Variants in WWOX observed in about 807,000 individuals in gnomAD.
WWOX encodes WW domain-containing oxidoreductase.
In WWOX, 69 loss-of-function variants were observed where a neutral mutation model predicts 46.2. The ratio of observed to expected loss-of-function variants is 1.49; its 90% CI spans 1.23 to 1.82. WWOX has a LOEUF of 1.82. WWOX is among the 40% of genes most tolerant of loss of function. The probability of loss-of-function intolerance (pLI) is 0.00; values close to 1 mark genes in which losing one functional copy is unlikely to be tolerated. For missense variants in WWOX, 919 were observed against 542.6 expected (o/e 1.69, Z -6.89); for synonymous variants, 359 against 202.6 (o/e 1.77, Z -6.56).
intron 5 of WWOX, among the ~76,000 whole-genome samples, chr16:78,217,573 T>C (rs2036762424): frequency 6.6e-6 from 1 of 152,274 alleles, no homozygotes; most frequent in African/African-American, 2.4e-5. Context: ...TTCTCCCAGA[T>C]GCTGGGCTTC....
At chr16:78,360,971 C>T (rs57270419) in intron 5 of WWOX, among the ~76,000 whole-genome samples, 16,006 of 152,070 alleles carry the variant, frequency 0.11, 1,251 homozygotes, top group East Asian at 0.3. Context: ...TACGCATGCA[C>T]CACCATGCCT....
intron 8 of WWOX, among the ~76,000 whole-genome samples, chr16:78,562,343 C>T (rs74593660): frequency 0.054 from 8,178 of 152,224 alleles, 270 homozygotes; most frequent in Non-Finnish European, 0.075. Context: ...CTCTGAATTC[C>T]GCAGTGTTGT....
chr16:78,774,711 G>A lies in WWOX; in HGVS notation c.1056+341959G>A, dbSNP rs548314724. Reference sequence around the variant, plus strand: ...TGTGGGGGGAGGGGAGGCTGTACATGTCCCCACCCAACACACACACATACA... The same window carrying A: ...TGTGGGGGGAGGGGAGGCTGTACATATCCCCACCCAACACACACACATACA... On this transcript the variant is annotated intron_variant, in intron 8 of 8. Transcript: ENST00000566780. 3.8e-4 allele frequency among the ~76,000 whole-genome samples: 57 copies of A among 151,930 alleles called. No individual in the cohort carries two copies. The South Asian group carries it at 4.0e-3, about 11-fold the overall frequency.
At chr16:78,937,857 A>C (rs1308751659) in intron 8 of WWOX, among the ~76,000 whole-genome samples, 2 of 152,076 alleles carry the variant, frequency 1.3e-5, no homozygotes, top group East Asian at 3.9e-4. Context: ...GGAACTCCTG[A>C]GGTCAAGCAA....
chr16:78,755,410 C>A (rs990529812), intron 8 of WWOX, among the ~76,000 whole-genome samples: 1 of 152,052 alleles, frequency 6.6e-6, no homozygotes, highest in Admixed American at 6.6e-5. Context: ...TTCCCCTGGA[C>A]CATGATATTA....
chr16:78,128,572 G>C (rs2033455517), intron 4 of WWOX, among the ~76,000 whole-genome samples: 1 of 152,144 alleles, frequency 6.6e-6, no homozygotes, highest in African/African-American at 2.4e-5. Context: ...ATACTGATTG[G>C]GGATTCAGAC....
intron 8 of WWOX, among the ~76,000 whole-genome samples, chr16:78,664,863 C>T (rs186233271): frequency 6.6e-6 from 1 of 152,276 alleles, no homozygotes; most frequent in South Asian, 2.1e-4. Flanking sequence ...TGTGCATGTG[C>T]GTAAAACGGA....
chr16:78,258,407 G>A (rs2038186569), intron 5 of WWOX, among the ~76,000 whole-genome samples: 1 of 152,106 alleles, frequency 6.6e-6, no homozygotes, highest in South Asian at 2.1e-4. Flanking sequence ...TATTGCATTG[G>A]TGTGAAAACT....
intron 8 of WWOX, among the ~76,000 whole-genome samples, chr16:78,599,945 T>TA (rs1361487627): frequency 1.3e-5 from 2 of 152,090 alleles, no homozygotes; most frequent in African/African-American, 4.8e-5. Flanking sequence ...TTGCTGTTGA[T>TA]AAACACATAC....
At chr16:79,186,289 C>G (rs1164844044) in intron 8 of WWOX, among the ~76,000 whole-genome samples, 2 of 152,212 alleles carry the variant, frequency 1.3e-5, no homozygotes, top group African/African-American at 4.8e-5. Context: ...TATTATCTCA[C>G]AGTCCTAGAA....
intron 8 of WWOX, among the ~76,000 whole-genome samples, chr16:78,794,467 C>T (rs1469160319): frequency 6.6e-6 from 1 of 152,166 alleles, no homozygotes; most frequent in Non-Finnish European, 1.5e-5. Context: ...TATGACAAAT[C>T]CTTCCATCTA....
chr16:78,818,736 T>A (rs1188224533), intron 8 of WWOX, among the ~76,000 whole-genome samples: 1 of 152,204 alleles, frequency 6.6e-6, no homozygotes, highest in Non-Finnish European at 1.5e-5. Context: ...ACCATGTAAC[T>A]AGCTTGCCAG....
At chr16:78,895,308 ATAACT>A (rs2044677357) in intron 8 of WWOX, 1 of 152,170 alleles carries the variant, frequency 6.6e-6, no homozygotes, top group South Asian at 2.1e-4. Flanking sequence ...CATTAAGAAA[ATAACT>A]TAAGTTTCTG....
At chr16:78,184,563 C>T (rs574268646) in intron 5 of WWOX, among the ~76,000 whole-genome samples, 1 of 147,338 alleles carries the variant, frequency 6.8e-6, no homozygotes, top group East Asian at 2.0e-4. Context: ...TCTATTTTTT[C>T]CCCGTTTATA....
At chr16:78,937,224 C>T (rs1159838633) in intron 8 of WWOX, among the ~76,000 whole-genome samples, 1 of 152,076 alleles carries the variant, frequency 6.6e-6, no homozygotes, top group African/African-American at 2.4e-5. Context: ...AAACTTTCAA[C>T]TTTTAATAGT....
chr16:79,070,976 C>G (rs145032022), intron 8 of WWOX, among the ~76,000 whole-genome samples: 1 of 152,262 alleles, frequency 6.6e-6, no homozygotes, highest in East Asian at 1.9e-4. Context: ...CCTCCCTACC[C>G]CCACATACTT....
chr16:78,327,161 G>C (rs2080643135), intron 5 of WWOX, among the ~76,000 whole-genome samples: 1 of 152,184 alleles, frequency 6.6e-6, no homozygotes, highest in African/African-American at 2.4e-5. Context: ...TCCAAGCCCA[G>C]AGTTCATTTA....
chr16:78,513,611 C>T (rs1293351628), intron 8 of WWOX, among the ~76,000 whole-genome samples: 1 of 152,160 alleles, frequency 6.6e-6, no homozygotes, highest in Non-Finnish European at 1.5e-5. Flanking sequence ...GCCTGTCCTC[C>T]AATACAAATT....
At chr16:79,189,431 G>A (rs1282325446) in intron 8 of WWOX, among the ~76,000 whole-genome samples, 1 of 94,176 alleles carries the variant, frequency 1.1e-5, no homozygotes, top group African/African-American at 4.7e-5. Flanking sequence ...CTTTGTGTGT[G>A]TGTGTGTGTG....
Sources: gnomAD v4.1 joint callset for allele counts (sites outside exome capture counted in the v4.1 genomes callset) on GRCh38, gnomAD v4.1.1 for gene constraint, MANE v1.5 for transcripts, NCBI Gene and HGNC (gene_info 2026-07-23, HGNC 2026-07-21) for gene names.